Variants in AIG1 observed in about 807,000 individuals in gnomAD.
AIG1 encodes the protein androgen-induced gene 1 protein.
In AIG1, 23 loss-of-function variants were observed where a neutral mutation model predicts 31.4. The ratio of observed to expected loss-of-function variants is 0.73; its 90% CI spans 0.53 to 1.04. The LOEUF (loss-of-function observed/expected upper bound fraction) is 1.04, where lower values mean the gene tolerates loss of function less well. Among genes scored for constraint, AIG1 ranks in the 50% least tolerant of loss-of-function variants. The probability of loss-of-function intolerance (pLI) is 0.00; values close to 1 mark genes in which losing one functional copy is unlikely to be tolerated. For synonymous variants in AIG1, 100 were observed against 110.5 expected, an observed-to-expected ratio of 0.90 and a Z score of 0.60; for missense variants, 274 against 295.0, an observed-to-expected ratio of 0.93 and a Z score of 0.52.
At chr6:143,168,305 G>A (rs1032581692) in intron 3 of AIG1, among the ~76,000 whole-genome samples, 6 of 150,832 alleles carry the variant, frequency 4.0e-5, no homozygotes, top group Non-Finnish European at 5.9e-5. Flanking sequence ...TGTGCACAAC[G>A]TGCAGGTTTG....
At chr6:143,247,234 C>T (rs907998981) in intron 3 of AIG1, among the ~76,000 whole-genome samples, 3 of 152,278 alleles carry the variant, frequency 2.0e-5, no homozygotes, top group South Asian at 2.1e-4. Context: ...TGGGTTCAGG[C>T]GATTCCCCTG....
intron 2 of AIG1, among the ~76,000 whole-genome samples, chr6:143,154,881 T>A (rs1785585136): frequency 6.6e-6 from 1 of 152,196 alleles, no homozygotes; most frequent in South Asian, 2.1e-4. Context: ...AGTGTCTCAC[T>A]CTGTAGCCCA....
intron 3 of AIG1, among the ~76,000 whole-genome samples, chr6:143,246,382 G>A (rs1291798020): frequency 1.3e-5 from 2 of 152,064 alleles, no homozygotes; most frequent in African/African-American, 4.8e-5. Context: ...GGTGGCAGCA[G>A]GCAAAAAGAG....
intron 3 of AIG1, among the ~76,000 whole-genome samples, chr6:143,246,735 A>G (rs1794648940): frequency 6.6e-6 from 1 of 152,206 alleles, no homozygotes; most frequent in Admixed American, 6.5e-5. Flanking sequence ...AACTCATGTA[A>G]TCCTCTTGAC....
intron 3 of AIG1, among the ~76,000 whole-genome samples, chr6:143,242,426 G>A (rs777752590): frequency 6.6e-6 from 1 of 152,100 alleles, no homozygotes; most frequent in South Asian, 2.1e-4. Context: ...ATGTAACTTT[G>A]TTTAATCCCC....
intron 4 of AIG1, among the ~76,000 whole-genome samples, chr6:143,308,305 C>T (rs1489199556): frequency 2.0e-5 from 3 of 152,226 alleles, no homozygotes; most frequent in Non-Finnish European, 2.9e-5. Flanking sequence ...GCATCGCTCA[C>T]GCTGGGAGCT....
intron 3 of AIG1, among the ~76,000 whole-genome samples, chr6:143,223,877 C>G (rs1238989058): frequency 6.6e-6 from 1 of 152,110 alleles, no homozygotes; most frequent in East Asian, 1.9e-4. Context: ...GGAAATCAGT[C>G]TAGTCACCAG....
At chr6:143,105,276 G>A (rs1363915112) in intron 1 of AIG1, among the ~76,000 whole-genome samples, 1 of 152,168 alleles carries the variant, frequency 6.6e-6, no homozygotes. Flanking sequence ...ACAGCCTTGT[G>A]AGAGCAAAAG....
chr6:143,242,049 A>C (rs541818678), intron 3 of AIG1, among the ~76,000 whole-genome samples: 120 of 152,338 alleles, frequency 7.9e-4, no homozygotes, highest in Admixed American at 2.0e-3. Context: ...TGTATCCCTA[A>C]GTCACACAGC....
chr6:143,272,275 A>C (rs1796579210), intron 3 of AIG1, among the ~76,000 whole-genome samples: 1 of 152,198 alleles, frequency 6.6e-6, no homozygotes. Flanking sequence ...TTACCCGAAG[A>C]TAGTAACTTC....
intron 4 of AIG1, among the ~76,000 whole-genome samples, chr6:143,312,484 G>T (rs1014069674): frequency 1.4e-4 from 21 of 152,030 alleles, no homozygotes; most frequent in Admixed American, 6.6e-5. Flanking sequence ...AATAAATGTT[G>T]CTGGGAAAAC....
rs1271318245 is a variant in AIG1 at position 143,331,979 on chromosome 6, C to T, written c.516-1303C>T. ...CTCTGCCTCCCAGGGTCAAGTGATG[C>T]TTGTGCCTCAGCCTCCCGAGTAGCT... On this transcript the variant is annotated intron_variant, in intron 4 of 5. Coordinates refer to ENST00000357847, the MANE Select transcript of AIG1 (RefSeq NM_016108.4). The surrounding 1 kb of genome is among the most constrained non-coding windows in gnomAD (Gnocchi z 4.1). 6.6e-6 allele frequency among the ~76,000 whole-genome samples: 1 copy of T among 151,624 alleles called. No individual in the cohort carries two copies. The highest frequency in any genetic ancestry group is 1.5e-5 in the Non-Finnish European group (1 of 67,970).
At chr6:143,074,069 T>C (rs1380046755) in intron 1 of AIG1, among the ~76,000 whole-genome samples, 1 of 152,258 alleles carries the variant, frequency 6.6e-6, no homozygotes, top group Non-Finnish European at 1.5e-5. Flanking sequence ...TCAAGTCTTT[T>C]GCCTGTTTTT....
chr6:143,108,255 T>C (rs1368171386), intron 1 of AIG1, among the ~76,000 whole-genome samples: 1 of 152,200 alleles, frequency 6.6e-6, no homozygotes, highest in African/African-American at 2.4e-5. Flanking sequence ...AGATTTACTC[T>C]ACTAAAAATA....
chr6:143,148,338 A>C (rs906017772), intron 2 of AIG1, among the ~76,000 whole-genome samples: 2 of 120,376 alleles, frequency 1.7e-5, no homozygotes, highest in East Asian at 2.4e-4. Flanking sequence ...CCATCTCTAC[A>C]AAAAAAAAAA....
chr6:143,317,150 G>A (rs1775822375), intron 4 of AIG1, among the ~76,000 whole-genome samples: 1 of 151,962 alleles, frequency 6.6e-6, no homozygotes. Flanking sequence ...TCCTCCCTAA[G>A]TCATTCTATG....
chr6:143,272,270 C>T (rs780631887), intron 3 of AIG1, among the ~76,000 whole-genome samples: 6 of 152,116 alleles, frequency 3.9e-5, no homozygotes, highest in South Asian at 2.1e-4. Context: ...CTAACTTACC[C>T]GAAGATAGTA....
rs1035069256 is a variant in AIG1 at position 143,334,808 on chromosome 6, C to A, written c.679+1363C>A. Among the ~76,000 whole-genome samples the A allele has an allele frequency of 1.3e-5, 2 of 152,106 alleles. No homozygotes were observed. The highest frequency in any genetic ancestry group is 4.2e-4 in the South Asian group (2 of 4,818). On this transcript the variant is annotated intron_variant, in intron 5 of 5. Transcript: ENST00000357847. This position sits in a 1 kb window ranked among gnomAD's most constrained non-coding sequence, Gnocchi z 5.1. ...CAGGAAGTACTTAAGTACCTGCTTA[C>A]ACTTGACTTGATTGATTTGACAGTC...
intron 3 of AIG1, among the ~76,000 whole-genome samples, chr6:143,181,326 A>C (rs918112447): frequency 7.9e-5 from 12 of 152,194 alleles, no homozygotes; most frequent in Non-Finnish European, 1.3e-4. Flanking sequence ...GAAAACAAAT[A>C]AGACCCCCAA....
Sources: allele counts gnomAD v4.1 joint callset (sites outside exome capture counted in the v4.1 genomes callset), GRCh38; gene constraint gnomAD v4.1.1; non-coding constraint Gnocchi (gnomAD v3.1); transcripts MANE v1.5; gene names NCBI Gene and HGNC (gene_info 2026-07-23, HGNC 2026-07-21).